The following LRP1B variants were observed in gnomAD, a reference collection of about 807,000 sequenced individuals.
The protein encoded by LRP1B is low-density lipoprotein receptor-related protein 1B.
In LRP1B, 217 loss-of-function variants were observed where a neutral mutation model predicts 556.6. That is an observed-to-expected ratio of 0.39 (90% CI 0.35 to 0.44). The LOEUF is 0.44. Ranked by LOEUF, LRP1B falls within the 20% of genes least tolerant of loss-of-function variation. The pLI, the probability that LRP1B is intolerant of heterozygous loss-of-function variation, is 1.00. For missense variants in LRP1B, 5,053 were observed against 5,620.8 expected (o/e 0.90, Z 3.23); for synonymous variants, 2,047 against 1,865.8 (o/e 1.10, Z -2.50).
intron 23 of LRP1B, among the ~76,000 whole-genome samples, chr2:140,900,242 T>C (rs1281126948): frequency 6.6e-6 from 1 of 152,230 alleles, no homozygotes; most frequent in Non-Finnish European, 1.5e-5. Context: ...ATATGGTATA[T>C]AACCACTCTA....
intron 33 of LRP1B, 31 bp downstream of exon 33, chr2:140,776,067 G>C (rs1689486359): frequency 2.7e-6 from 4 of 1,499,120 alleles, no homozygotes; most frequent in Non-Finnish European, 3.6e-6. Flanking sequence ...ACGTATTCAA[G>C]ACCTGGCACA....
chr2:141,928,429 G>A (rs1031942122), intron 1 of LRP1B, among the ~76,000 whole-genome samples: 1 of 152,106 alleles, frequency 6.6e-6, no homozygotes, highest in South Asian at 2.1e-4. Flanking sequence ...TAGGAAGTGA[G>A]AGTAATAATA....
intron 4 of LRP1B, among the ~76,000 whole-genome samples, chr2:141,253,800 A>C (rs1218283080): frequency 6.6e-6 from 1 of 151,964 alleles, no homozygotes; most frequent in Non-Finnish European, 1.5e-5. Flanking sequence ...ACGCGGAAGG[A>C]AAGAGAGAGG....
intron 2 of LRP1B, among the ~76,000 whole-genome samples, chr2:141,485,601 C>T (rs1683092261): frequency 6.6e-6 from 1 of 152,088 alleles, no homozygotes; most frequent in Non-Finnish European, 1.5e-5. Flanking sequence ...ATTTCATATA[C>T]TGTTGCTTTG....
At chr2:141,047,681 T>C (rs562721597) in intron 11 of LRP1B, among the ~76,000 whole-genome samples, 184 of 152,242 alleles carry the variant, frequency 1.2e-3, no homozygotes, top group Non-Finnish European at 2.2e-3. Flanking sequence ...CCCTTTATTT[T>C]AGCGCATTTT....
chr2:141,132,637 G>A (rs900954141), intron 7 of LRP1B, among the ~76,000 whole-genome samples: 6 of 151,668 alleles, frequency 4.0e-5, no homozygotes, highest in Middle Eastern at 3.4e-3. Context: ...GAACAAAATC[G>A]CCAGTATATA....
chr2:140,831,636 C>T (rs1419738121), intron 31 of LRP1B, among the ~76,000 whole-genome samples: 2 of 152,064 alleles, frequency 1.3e-5, no homozygotes, highest in Non-Finnish European at 2.9e-5. Context: ...GCTAAACTTT[C>T]AAAAGCACAG....
chr2:141,021,387 G>A (rs1361503354), intron 11 of LRP1B, among the ~76,000 whole-genome samples: 1 of 139,824 alleles, frequency 7.2e-6, no homozygotes, highest in African/African-American at 2.6e-5. Context: ...CAGTGAATCA[G>A]ATATGTTCCC....
intron 12 of LRP1B, among the ~76,000 whole-genome samples, chr2:141,017,549 T>C (rs912106310): frequency 1.3e-5 from 2 of 151,810 alleles, no homozygotes; most frequent in African/African-American, 4.8e-5. Flanking sequence ...AGAAAAGGAA[T>C]TGTTCGCCAA....
At chr2:140,763,751 C>A (rs1689008231) in intron 35 of LRP1B, among the ~76,000 whole-genome samples, 1 of 152,006 alleles carries the variant, frequency 6.6e-6, no homozygotes, top group African/African-American at 2.4e-5. Flanking sequence ...TTATGTTATG[C>A]ATGTTTATGA....
intron 1 of LRP1B, among the ~76,000 whole-genome samples, chr2:142,083,333 A>G (rs1705791010): frequency 6.6e-6 from 1 of 152,070 alleles, no homozygotes; most frequent in South Asian, 2.1e-4. Context: ...ATTTTTCCTC[A>G]GCTTATTTCC....
chr2:140,772,323 T>C (rs918294826), intron 33 of LRP1B, among the ~76,000 whole-genome samples: 11 of 146,594 alleles, frequency 7.5e-5, no homozygotes, highest in Non-Finnish European at 1.4e-4. Context: ...ATATATATAT[T>C]ATTTTTGAGA....
At chr2:140,423,403 A>C (rs1399001805) in intron 66 of LRP1B, among the ~76,000 whole-genome samples, 1 of 152,200 alleles carries the variant, frequency 6.6e-6, no homozygotes, top group Non-Finnish European at 1.5e-5. Flanking sequence ...ACATTGAAGC[A>C]AATCACAGTG....
intron 6 of LRP1B, among the ~76,000 whole-genome samples, chr2:141,224,968 A>G (rs1683187448): frequency 6.6e-6 from 1 of 152,188 alleles, no homozygotes; most frequent in Non-Finnish European, 1.5e-5. Flanking sequence ...GTATCCCAGA[A>G]CTTGAAATTA....
At chr2:141,136,013 G>A (rs1269999082) in intron 7 of LRP1B, among the ~76,000 whole-genome samples, 3 of 151,890 alleles carry the variant, frequency 2.0e-5, no homozygotes, top group Non-Finnish European at 2.9e-5. Flanking sequence ...GCAGATAATG[G>A]AGAGTGGACT....
At chr2:140,577,795 A>T in intron 43 of LRP1B, among the ~76,000 whole-genome samples, 1 of 152,120 alleles carries the variant, frequency 6.6e-6, no homozygotes, top group East Asian at 1.9e-4. Context: ...TTAAATTTTG[A>T]TCAAAATCAG....
At chr2:140,268,048 G>A (rs558627577) in intron 86 of LRP1B, among the ~76,000 whole-genome samples, 1 of 151,980 alleles carries the variant, frequency 6.6e-6, no homozygotes, top group South Asian at 2.1e-4. Flanking sequence ...TTTATGGGTG[G>A]GAAAGGTGGG....
At chr2:140,542,870 T>A (rs940503030) in intron 43 of LRP1B, among the ~76,000 whole-genome samples, 6 of 152,120 alleles carry the variant, frequency 3.9e-5, no homozygotes, top group African/African-American at 1.2e-4. Flanking sequence ...CGTGCACATG[T>A]GTGCGAGCCA....
intron 1 of LRP1B, among the ~76,000 whole-genome samples, chr2:141,933,792 G>A (rs1700564889): frequency 6.6e-6 from 1 of 152,114 alleles, no homozygotes; most frequent in African/African-American, 2.4e-5. Flanking sequence ...TACCTTGGAA[G>A]AGGTTCTACA....
Sources: gnomAD v4.1 joint callset for allele counts (sites outside exome capture counted in the v4.1 genomes callset) on GRCh38, gnomAD v4.1.1 for gene constraint, MANE v1.5 for transcripts, NCBI Gene and HGNC (gene_info 2026-07-23, HGNC 2026-07-21) for gene names.